The following TYW1B variants were observed in gnomAD, a reference collection of about 807,000 sequenced individuals.
TYW1B encodes the protein tRNA-yW synthesizing protein 1 homolog B, also known as S-adenosyl-L-methionine-dependent tRNA 4-demethylwyosine synthase TYW1B.
TYW1B carries 73 observed loss-of-function variants against 86.9 expected under a neutral mutation model. That is an observed-to-expected ratio of 0.84 (90% CI 0.70 to 1.02). TYW1B has a LOEUF of 1.02. TYW1B is among the 50% of genes least tolerant of loss of function. The pLI is 0.00. For missense variants in TYW1B, 637 were observed against 827.4 expected (o/e 0.77, Z 2.82); for synonymous variants, 248 against 292.8 (o/e 0.85, Z 1.56).
At position 72,584,580 on chromosome 7, in the gene TYW1B, C is replaced by T. The variant is rs371554319; in HGVS notation, c.1786-8861G>A. ...AAGAGATTCTCCTGTCTCAGCCTCCCGAGTAGCTGGGATTACAGGCATGCC... is the reference window on the plus strand; with the variant it reads ...AAGAGATTCTCCTGTCTCAGCCTCCTGAGTAGCTGGGATTACAGGCATGCC... On this transcript the variant is annotated intron_variant, in intron 13 of 13. Transcript: ENST00000620995. Among the ~76,000 whole-genome samples, 12 of 151,996 alleles carry T rather than the reference C, an allele frequency of 7.9e-5. 1 individual carries two copies. The highest frequency in any genetic ancestry group is 2.4e-4 in the African/African-American group (10 of 41,454).
chr7:72,814,708 T>G (rs1161106897), intron 3 of TYW1B, among the ~76,000 whole-genome samples: 16 of 151,938 alleles, frequency 1.1e-4, no homozygotes, highest in African/African-American at 3.9e-4. Flanking sequence ...ATTGCACCAC[T>G]GCACTCCAGA....
At chr7:72,616,003 C>T (rs1335615059) in intron 13 of TYW1B, among the ~76,000 whole-genome samples, 1 of 151,768 alleles carries the variant, frequency 6.6e-6, no homozygotes, top group African/African-American at 2.4e-5. Context: ...AATTGGAGTC[C>T]TAGAGGAGAA....
intron 13 of TYW1B, among the ~76,000 whole-genome samples, chr7:72,586,994 T>C (rs1252722765): frequency 1.3e-5 from 2 of 152,170 alleles, no homozygotes; most frequent in East Asian, 1.9e-4. Flanking sequence ...GAATCATTCA[T>C]ATTATTTTCA....
intron 8 of TYW1B, among the ~76,000 whole-genome samples, chr7:72,743,704 C>T (rs1787344552): frequency 1.3e-5 from 2 of 151,714 alleles, no homozygotes; most frequent in African/African-American, 4.8e-5. Context: ...ATTAGCTGGG[C>T]GTGGTGATGC....
intron 13 of TYW1B, among the ~76,000 whole-genome samples, chr7:72,583,398 G>A (rs1585824842): frequency 6.6e-6 from 1 of 152,072 alleles, no homozygotes; most frequent in South Asian, 2.1e-4. Context: ...GTGCAGGGGC[G>A]AGCAGCAATA....
chr7:72,645,343 G>C (rs782599810), intron 11 of TYW1B, among the ~76,000 whole-genome samples: 24 of 152,156 alleles, frequency 1.6e-4, no homozygotes, highest in Non-Finnish European at 1.0e-4. Context: ...CCAAAGCCTT[G>C]AATGTTCTTA....
At chr7:72,778,763 T>A (rs1554471107) in intron 6 of TYW1B, among the ~76,000 whole-genome samples, 1 of 152,212 alleles carries the variant, frequency 6.6e-6, no homozygotes, top group Non-Finnish European at 1.5e-5. Context: ...ATCCAAAGGA[T>A]AATATAAAAA....
intron 11 of TYW1B, among the ~76,000 whole-genome samples, chr7:72,641,121 C>T (rs1189203814): frequency 7.9e-5 from 12 of 151,940 alleles, no homozygotes; most frequent in African/African-American, 2.9e-4. Flanking sequence ...TAAGAAAATA[C>T]TATGAACAAC....
intron 4 of TYW1B, 48 bp from the exon 5 acceptor site, chr7:72,807,404 G>T: frequency 6.3e-7 from 1 of 1,578,370 alleles, no homozygotes; most frequent in Non-Finnish European, 8.6e-7. Flanking sequence ...TCTAAATCAG[G>T]GTTTTCCAGA....
chr7:72,642,731 T>C (rs1267312311), intron 11 of TYW1B, among the ~76,000 whole-genome samples: 2 of 152,082 alleles, frequency 1.3e-5, no homozygotes, highest in African/African-American at 4.8e-5. Flanking sequence ...TGAAACTCCA[T>C]CTCTACTAAA....
At chr7:72,679,350 T>C (rs569951870) in intron 11 of TYW1B, among the ~76,000 whole-genome samples, 176 of 152,320 alleles carry the variant, frequency 1.2e-3, no homozygotes, top group African/African-American at 4.0e-3. Context: ...ACTGCAGAGT[T>C]AGAAACTGTG....
chr7:72,751,041 CTT>C (rs376564412), intron 7 of TYW1B, among the ~76,000 whole-genome samples: 100,051 of 146,394 alleles, frequency 0.68, 34,657 homozygotes, highest in Non-Finnish European at 0.76. Context: ...GGTAAATTCC[CTT>C]TTTTTTTTTT....
intron 13 of TYW1B, among the ~76,000 whole-genome samples, chr7:72,610,746 A>T (rs1205660040): frequency 3.9e-5 from 6 of 152,236 alleles, no homozygotes; most frequent in African/African-American, 1.4e-4. Context: ...CGAGTAGCCA[A>T]GACTACAGGC....
intron 10 of TYW1B, among the ~76,000 whole-genome samples, chr7:72,698,300 C>T (rs181527113): frequency 2.6e-5 from 4 of 152,212 alleles, no homozygotes; most frequent in Non-Finnish European, 5.9e-5. Flanking sequence ...ATTTTAGAGA[C>T]GATGAAGCTG....
intron 6 of TYW1B, among the ~76,000 whole-genome samples, chr7:72,790,106 C>G (rs1379296261): frequency 1.3e-5 from 2 of 151,720 alleles, no homozygotes; most frequent in African/African-American, 4.8e-5. Flanking sequence ...CACCACCACG[C>G]CTGGCTAATT....
intron 13 of TYW1B, among the ~76,000 whole-genome samples, chr7:72,596,782 T>C (rs1554432684): frequency 1.3e-5 from 2 of 151,836 alleles, no homozygotes; most frequent in Non-Finnish European, 2.9e-5. Flanking sequence ...CTGGACCTTA[T>C]GAAAAATTTT....
chr7:72,743,839 C>T (rs1158660421), intron 8 of TYW1B, among the ~76,000 whole-genome samples: 1 of 135,284 alleles, frequency 7.4e-6, no homozygotes, highest in East Asian at 2.4e-4. Context: ...AGCGAAACTC[C>T]ATCTCAAAAA....
intron 8 of TYW1B, among the ~76,000 whole-genome samples, chr7:72,737,964 C>T (rs1410446354): frequency 4.0e-5 from 6 of 151,550 alleles, no homozygotes; most frequent in South Asian, 2.1e-4. Context: ...TTAGTGGAGA[C>T]GGAGTTTCAC....
chr7:72,657,364 C>T (rs1216769491), intron 11 of TYW1B, among the ~76,000 whole-genome samples: 4 of 151,888 alleles, frequency 2.6e-5, no homozygotes, highest in African/African-American at 9.7e-5. Flanking sequence ...ATAAAGCAAA[C>T]ATATATTTGA....
Sources: allele counts gnomAD v4.1 joint callset (sites outside exome capture counted in the v4.1 genomes callset), GRCh38; gene constraint gnomAD v4.1.1; transcripts MANE v1.5; gene names NCBI Gene and HGNC (gene_info 2026-07-23, HGNC 2026-07-21).